The following ZNF385D variants were observed in gnomAD, a reference collection of about 807,000 sequenced individuals.
ZNF385D encodes the protein zinc finger protein 659.
In ZNF385D, 15 loss-of-function variants were observed where a neutral mutation model predicts 35.8. That is an observed-to-expected ratio of 0.42 (90% CI 0.28 to 0.64). ZNF385D has a LOEUF of 0.64. Among genes scored for constraint, ZNF385D ranks in the 30% least tolerant of loss-of-function variants. The probability of loss-of-function intolerance (pLI) is 0.23; values close to 1 mark genes in which losing one functional copy is unlikely to be tolerated. For missense variants in ZNF385D, 474 were observed against 494.6 expected (o/e 0.96, Z 0.39); for synonymous variants, 212 against 186.8 (o/e 1.13, Z -1.10).
At chr3:22,202,823 C>T (rs984644339) in intron 2 of ZNF385D, among the ~76,000 whole-genome samples, 1 of 152,036 alleles carries the variant, frequency 6.6e-6, no homozygotes, top group Non-Finnish European at 1.5e-5. Flanking sequence ...TCATCTGGTG[C>T]CTATAAAGGG....
intron 3 of ZNF385D, among the ~76,000 whole-genome samples, chr3:22,044,774 T>C (rs1254247184): frequency 6.6e-6 from 1 of 152,100 alleles, no homozygotes; most frequent in Non-Finnish European, 1.5e-5. Flanking sequence ...TTCCAAGATC[T>C]TCAAGTTTCT....
At chr3:22,150,364 C>G (rs1705144743) in intron 3 of ZNF385D, among the ~76,000 whole-genome samples, 2 of 151,872 alleles carry the variant, frequency 1.3e-5, no homozygotes, top group Admixed American at 6.6e-5. Context: ...TATAAACATT[C>G]TTCAGTGAGA....
chr3:22,218,818 T>C (rs1471062333), intron 2 of ZNF385D, among the ~76,000 whole-genome samples: 5 of 152,154 alleles, frequency 3.3e-5, no homozygotes, highest in Non-Finnish European at 5.9e-5. Flanking sequence ...ATATATTTTG[T>C]CCAGTTTTTC....
At chr3:21,514,156 A>G (rs1173488515) in intron 3 of ZNF385D, among the ~76,000 whole-genome samples, 4 of 152,186 alleles carry the variant, frequency 2.6e-5, no homozygotes, top group African/African-American at 9.6e-5. Flanking sequence ...TACTAGCACA[A>G]CAAATTCCCT....
At chr3:21,813,763 G>C (rs1171363515) in intron 3 of ZNF385D, among the ~76,000 whole-genome samples, 2 of 152,164 alleles carry the variant, frequency 1.3e-5, no homozygotes, top group African/African-American at 4.8e-5. Flanking sequence ...ATGGAACCAA[G>C]TTGGAAAACA....
intron 4 of ZNF385D, among the ~76,000 whole-genome samples, chr3:21,485,614 T>C (rs1704970134): frequency 6.6e-6 from 1 of 152,136 alleles, no homozygotes; most frequent in Non-Finnish European, 1.5e-5. Context: ...TTTTCCCATC[T>C]GTGAGGATTA....
At chr3:21,763,602 C>T (rs2070710911) in intron 3 of ZNF385D, among the ~76,000 whole-genome samples, 1 of 152,046 alleles carries the variant, frequency 6.6e-6, no homozygotes, top group Non-Finnish European at 1.5e-5. Context: ...GATGATTAAG[C>T]CCTGTGTATT....
At chr3:22,329,651 G>C (rs1168839089) in intron 2 of ZNF385D, among the ~76,000 whole-genome samples, 4 of 152,028 alleles carry the variant, frequency 2.6e-5, no homozygotes, top group African/African-American at 9.7e-5. Flanking sequence ...CTATTTGCTA[G>C]AACTTTTGCA....
intron 1 of ZNF385D, among the ~76,000 whole-genome samples, chr3:21,734,088 A>C (rs2069135135): frequency 6.6e-6 from 1 of 152,098 alleles, no homozygotes; most frequent in African/African-American, 2.4e-5. Flanking sequence ...TTATAGTATC[A>C]CTCTGCCTAG....
chr3:21,555,289 C>T (rs984225276), intron 3 of ZNF385D, among the ~76,000 whole-genome samples: 1 of 150,360 alleles, frequency 6.7e-6, no homozygotes, highest in Admixed American at 6.6e-5. Flanking sequence ...CATAGGTATA[C>T]ATGTGCTATG....
At chr3:21,893,878 T>C (rs1329296426) in intron 3 of ZNF385D, among the ~76,000 whole-genome samples, 1 of 152,328 alleles carries the variant, frequency 6.6e-6, no homozygotes, top group South Asian at 2.1e-4. Context: ...ATTTAGTTTT[T>C]AAATTTTATC....
intron 2 of ZNF385D, among the ~76,000 whole-genome samples, chr3:21,609,948 T>A (rs1053848271): frequency 6.6e-6 from 1 of 152,204 alleles, no homozygotes; most frequent in Non-Finnish European, 1.5e-5. Context: ...ACTCTTAAAC[T>A]GTTTCCAGTT....
chr3:22,083,479 A>G (rs1377284226), intron 3 of ZNF385D, among the ~76,000 whole-genome samples: 1 of 152,204 alleles, frequency 6.6e-6, no homozygotes, highest in East Asian at 1.9e-4. Flanking sequence ...AAGAAAGGGT[A>G]TCAGTGATGG....
chr3:21,808,178 A>G (rs2072739881), intron 3 of ZNF385D, among the ~76,000 whole-genome samples: 1 of 152,220 alleles, frequency 6.6e-6, no homozygotes, highest in Non-Finnish European at 1.5e-5. Flanking sequence ...GGATAAGAAA[A>G]TTAGTATCAA....
At chr3:21,689,644 G>A (rs531246923) in intron 1 of ZNF385D, among the ~76,000 whole-genome samples, 3 of 152,170 alleles carry the variant, frequency 2.0e-5, no homozygotes, top group Non-Finnish European at 4.4e-5. Context: ...GAGGAGGTCA[G>A]TCAGGTAACT....
At chr3:21,614,362 G>A (rs1307876162) in intron 2 of ZNF385D, among the ~76,000 whole-genome samples, 2 of 152,164 alleles carry the variant, frequency 1.3e-5, no homozygotes, top group Non-Finnish European at 2.9e-5. Flanking sequence ...CTGGATTAAC[G>A]TCTTCCCTAA....
chr3:22,134,785 G>T (rs1466277387), intron 3 of ZNF385D, among the ~76,000 whole-genome samples: 1 of 152,044 alleles, frequency 6.6e-6, no homozygotes, highest in Non-Finnish European at 1.5e-5. Context: ...CATGGCAGAA[G>T]GTAGAAGGAC....
At chr3:21,441,333 G>A (rs1466763534) in intron 4 of ZNF385D, among the ~76,000 whole-genome samples, 2 of 152,214 alleles carry the variant, frequency 1.3e-5, no homozygotes, top group Middle Eastern at 6.8e-3. Flanking sequence ...CACAACATTT[G>A]CATTATCATC....
intron 3 of ZNF385D, among the ~76,000 whole-genome samples, chr3:21,846,586 A>G (rs1396904822): frequency 6.6e-6 from 1 of 152,006 alleles, no homozygotes; most frequent in Non-Finnish European, 1.5e-5. Context: ...TGAGAAGTCT[A>G]TGACATGTTG....
Sources: allele counts gnomAD v4.1 joint callset (sites outside exome capture counted in the v4.1 genomes callset), GRCh38; gene constraint gnomAD v4.1.1; transcripts MANE v1.5; gene names NCBI Gene and HGNC (gene_info 2026-07-23, HGNC 2026-07-21).